The following VAMP3 variants were observed in gnomAD, a reference collection of about 807,000 sequenced individuals.
The protein encoded by VAMP3 is vesicle-associated membrane protein 3.
VAMP3 carries 11 observed loss-of-function variants against 18.1 expected under a neutral mutation model. That is an observed-to-expected ratio of 0.61 (90% CI 0.38 to 1.00). The LOEUF (loss-of-function observed/expected upper bound fraction) is 1.00, where lower values mean the gene tolerates loss of function less well. VAMP3 is among the 50% of genes least tolerant of loss of function. The probability of loss-of-function intolerance (pLI) is 0.01; values close to 1 mark genes in which losing one functional copy is unlikely to be tolerated. For synonymous variants in VAMP3, 49 were observed against 43.1 expected (o/e 1.14, Z -0.53); for missense variants, 122 against 127.3 (o/e 0.96, Z 0.20).
At chr1:7,777,352 C>T in intron 3 of VAMP3, 34 bp downstream of exon 3, 1 of 1,584,034 alleles carries the variant, frequency 6.3e-7, no homozygotes. Context: ...TACATTTAAC[C>T]CCCCTTCTCC....
chr1:7,778,093 G>A lies in VAMP3; in HGVS notation c.232-25G>A. The A allele has an allele frequency of 2.5e-6, 4 of 1,612,710 alleles. No homozygotes were observed. The South Asian group carries it at 3.3e-5, about 13-fold the overall frequency. ...CACATTATGTCTGCATTTGAAATGTGATATGGACATATGTTTTGTTACAGA... is the reference window on the plus strand; with the variant it reads ...CACATTATGTCTGCATTTGAAATGTAATATGGACATATGTTTTGTTACAGA... On this transcript the variant is annotated intron_variant, in intron 3 of 4. Coordinates refer to ENST00000054666, the MANE Select transcript of VAMP3 (RefSeq NM_004781.4).
Position 7,773,482 on chromosome 1 carries a change from C to G in VAMP3, c.43C>G (p.Leu15Val). The G allele has an allele frequency of 1.2e-6, 2 of 1,614,086 alleles. No homozygotes were observed. The highest frequency in any genetic ancestry group is 1.7e-6 in the Non-Finnish European group (2 of 1,180,022). Residue 15 changes from leucine (L) to valine (V), a missense_variant, in exon 2 of 5, where the codon CTT becomes GTT. Transcript: ENST00000054666. Reference sequence around the variant, plus strand: ...TGCTGCCACTGGCAGTAATCGAAGACTTCAGCAGACACAAAATCAAGTAGA... The same window carrying G: ...TGCTGCCACTGGCAGTAATCGAAGAGTTCAGCAGACACAAAATCAAGTAGA... ...PTAATGSNRR[L>V]QQTQNQVDEV...
chr1:7,779,671 G>C lies in VAMP3; in HGVS notation c.*26G>C. ...AGAACCAGCGGAACTCAAAACTGCT[G>C]TTCAAGAAACCTCTTCAAGACTTTT... is the stretch of plus-strand genomic sequence containing the variant. On this transcript the variant is annotated 3_prime_UTR_variant, in exon 5 of 5. Coordinates refer to ENST00000054666, the MANE Select transcript of VAMP3 (RefSeq NM_004781.4). The C allele has an allele frequency of 6.2e-7, 1 of 1,614,102 alleles. No homozygotes were observed. The highest frequency in any genetic ancestry group is 1.7e-5 in the Admixed American group (1 of 60,026).
chr1:7,774,195 CA>C (rs2097052955), intron 2 of VAMP3, among the ~76,000 whole-genome samples: 1 of 152,190 alleles, frequency 6.6e-6, no homozygotes, highest in South Asian at 2.1e-4. Context: ...CCTGAAAAAA[CA>C]GTTAAAGTTA....
At chr1:7,776,115 C>G (rs1377293273) in intron 2 of VAMP3, among the ~76,000 whole-genome samples, 1 of 152,198 alleles carries the variant, frequency 6.6e-6, no homozygotes, top group Middle Eastern at 3.2e-3. Flanking sequence ...TTGGGGAGTA[C>G]TGCCCTCTTA....
At chr1:7,773,980 A>G (rs1041371108) in intron 2 of VAMP3, among the ~76,000 whole-genome samples, 29 of 152,336 alleles carry the variant, frequency 1.9e-4, no homozygotes, top group African/African-American at 5.5e-4. Flanking sequence ...GTCCATTGAC[A>G]CACACAAAGT....
At chr1:7,773,170 C>G (rs2097052135) in intron 1 of VAMP3, 1 of 412,570 alleles carries the variant, frequency 2.4e-6, no homozygotes, top group Non-Finnish European at 4.4e-6. Flanking sequence ...GCTTACCTAT[C>G]GTGGGATCAG....
chr1:7,773,602 G>A, intron 2 of VAMP3, 91 bp downstream of exon 2: 1 of 1,244,486 alleles, frequency 8.0e-7, no homozygotes, highest in Non-Finnish European at 1.1e-6. Flanking sequence ...AAGTGTGAAT[G>A]TAAAGCAAAT....
intron 1 of VAMP3, among the ~76,000 whole-genome samples, chr1:7,772,144 T>A (rs1558352340): frequency 6.6e-6 from 1 of 152,198 alleles, no homozygotes; most frequent in Non-Finnish European, 1.5e-5. Context: ...CAGCCAGCTG[T>A]GTTGACTCTC....
chr1:7,776,921 C>T (rs1220168683), intron 2 of VAMP3: 3 of 296,714 alleles, frequency 1.0e-5, no homozygotes, highest in African/African-American at 4.3e-5. Flanking sequence ...AGTCTCCTGC[C>T]TCAGCCTCCT....
At position 7,771,316 on chromosome 1, in the gene VAMP3, C is replaced by G; in HGVS notation, c.-68C>G. 6.3e-7 allele frequency: 1 copy of G among 1,584,386 alleles called. No homozygotes were observed. Among genetic ancestry groups the G allele is most frequent in the Non-Finnish European group, 8.6e-7 (1 of 1,168,158 alleles). ...GCGCCGTCCCACCCATCTCCCTGGCCTCCGGTCCCAACTTCGCTTCTCTGC... is the reference window on the plus strand; with the variant it reads ...GCGCCGTCCCACCCATCTCCCTGGCGTCCGGTCCCAACTTCGCTTCTCTGC... On this transcript the variant is annotated 5_prime_UTR_variant, in exon 1 of 5. Transcript: ENST00000054666.
intron 1 of VAMP3, chr1:7,773,210 T>G (rs2097052160): frequency 1.9e-6 from 1 of 522,300 alleles, no homozygotes; most frequent in Non-Finnish European, 3.5e-6. Context: ...TAGGTCCTAT[T>G]AAAGCTTAAC....
At position 7,777,230 on chromosome 1, in the gene VAMP3, A is replaced by G. The variant is rs758601418; in HGVS notation, c.143A>G (p.Asp48Gly). Residue 48 changes from aspartate to glycine, a missense_variant, in exon 3 of 5, where the codon GAC becomes GGC. Asp to Gly is a moderately conservative substitution (Grantham distance 94, BLOSUM62 -1). Transcript: ENST00000054666. ...ERDQKLSELD[D>G]RADALQAGAS... ...GACCAGAAGCTCTCTGAGTTAGACG[A>G]CCGTGCAGACGCACTGCAGGCAGGC... 1 of 1,613,910 alleles carries G rather than the reference A, an allele frequency of 6.2e-7. No individual in the cohort carries two copies. Among genetic ancestry groups the G allele is most frequent in the Admixed American group, 1.7e-5 (1 of 60,004 alleles).
At chr1:7,779,546 A>G (rs1166588748) in intron 4 of VAMP3, 80 bp from the exon 5 acceptor site, 1 of 1,593,794 alleles carries the variant, frequency 6.3e-7, no homozygotes, top group Non-Finnish European at 8.6e-7. Flanking sequence ...AGACTGCAGC[A>G]TTGGATGTTG....
At chr1:7,776,199 A>G (rs1230551058) in intron 2 of VAMP3, among the ~76,000 whole-genome samples, 1 of 152,240 alleles carries the variant, frequency 6.6e-6, no homozygotes, top group Non-Finnish European at 1.5e-5. Context: ...AATTTCTCTT[A>G]GCAATGTTTT....
intron 4 of VAMP3, among the ~76,000 whole-genome samples, chr1:7,779,193 T>C (rs2097055844): frequency 1.3e-5 from 2 of 151,930 alleles, no homozygotes; most frequent in South Asian, 4.1e-4. Context: ...AGTCTCCGTC[T>C]CAAAAAAATA....
At chr1:7,778,229 G>T in intron 4 of VAMP3, 60 bp downstream of exon 4, 2 of 1,583,642 alleles carry the variant, frequency 1.3e-6, no homozygotes, top group South Asian at 1.1e-5. Context: ...ACAGACCATT[G>T]ATTTTGTGTA....
intron 1 of VAMP3, 178 bp from the exon 2 acceptor site, chr1:7,773,264 A>T: frequency 1.7e-6 from 1 of 586,490 alleles, no homozygotes; most frequent in Non-Finnish European, 3.1e-6. Context: ...AATTATAGAG[A>T]AATTAGAAGA....
At chr1:7,771,794 C>T (rs531231013) in intron 1 of VAMP3, among the ~76,000 whole-genome samples, 40 of 152,384 alleles carry the variant, frequency 2.6e-4, no homozygotes, top group African/African-American at 7.9e-4. Context: ...TCGGCCCTGT[C>T]CTGAGCCCCT....
Sources: allele counts gnomAD v4.1 joint callset (sites outside exome capture counted in the v4.1 genomes callset), GRCh38; gene constraint gnomAD v4.1.1; transcripts MANE v1.5; gene names NCBI Gene and HGNC (gene_info 2026-07-23, HGNC 2026-07-21).